Variants in NUP133 observed in about 807,000 individuals in gnomAD.
NUP133 encodes the protein nucleoporin 133, also known as nuclear pore complex protein Nup133.
A neutral mutation model predicts 146.2 loss-of-function variants in NUP133; 66 were observed. The observed-to-expected ratio is 0.45, with a 90% CI of 0.37 to 0.55. The LOEUF (loss-of-function observed/expected upper bound fraction) is 0.55. NUP133 is among the 20% of genes least tolerant of loss of function. The pLI is 0.00. For missense variants in NUP133, 1,277 were observed against 1,374.8 expected (o/e 0.93, Z 1.12); for synonymous variants, 521 against 498.8 (o/e 1.04, Z -0.59).
At chr1:229,462,306 A>C (rs1340918188) in intron 19 of NUP133, among the ~76,000 whole-genome samples, 1 of 152,240 alleles carries the variant, frequency 6.6e-6, no homozygotes, top group Non-Finnish European at 1.5e-5. Context: ...CAAGTGAAAA[A>C]AGCAGTTGAC....
chr1:229,444,677 C>T (rs1660263012), intron 25 of NUP133, among the ~76,000 whole-genome samples: 1 of 151,638 alleles, frequency 6.6e-6, no homozygotes, highest in East Asian at 1.9e-4. Context: ...TGAAACCCTG[C>T]TTTTACTAAA....
At chr1:229,457,767 T>G (rs1371807262) in intron 21 of NUP133, among the ~76,000 whole-genome samples, 1 of 152,190 alleles carries the variant, frequency 6.6e-6, no homozygotes, top group Non-Finnish European at 1.5e-5. Flanking sequence ...CTATATGTAA[T>G]CGTTTTCATC....
chr1:229,490,147 C>A lies in NUP133; in HGVS notation c.1047-45G>T, dbSNP rs201034507. On this transcript the variant is annotated intron_variant, in intron 8 of 25. Transcript: ENST00000261396. ...GATGTAAAGCCTCTCTAAAAAACAACTTAGGAGTTTCCTATAAAATTAAAC... is the reference window on the plus strand; with the variant it reads ...GATGTAAAGCCTCTCTAAAAAACAAATTAGGAGTTTCCTATAAAATTAAAC... The A allele has an allele frequency of 2.5e-4, 363 of 1,441,436 alleles. 1 individual carries two copies. Among genetic ancestry groups the A allele is most frequent in the Non-Finnish European group, 9.8e-5 (106 of 1,085,304 alleles). 89.3% of individuals were successfully genotyped at this position (1,441,436 alleles called of 1,614,324 possible).
At chr1:229,445,098 G>C (rs1660276011) in intron 24 of NUP133, 96 bp from the exon 25 acceptor site, 2 of 867,392 alleles carry the variant, frequency 2.3e-6, no homozygotes, top group South Asian at 1.6e-5. Flanking sequence ...TGATGGCTGT[G>C]GGGGATGGAG....
intron 19 of NUP133, among the ~76,000 whole-genome samples, chr1:229,461,719 A>G (rs1660693897): frequency 6.6e-6 from 1 of 152,252 alleles, no homozygotes. Context: ...AGTAAGCACA[A>G]AAGGACTTTA....
chr1:229,483,978 A>G, intron 12 of NUP133, 76 bp downstream of exon 12: 1 of 1,001,024 alleles, frequency 1.0e-6, no homozygotes, highest in Non-Finnish European at 1.5e-6. Context: ...TGCTCCCACC[A>G]GTCAATAAGT....
At position 229,484,092 on chromosome 1, in the gene NUP133, T is replaced by C; in HGVS notation, c.1554A>G (p.Lys518=). 2 of 1,613,578 alleles carry C rather than the reference T, an allele frequency of 1.2e-6. No homozygotes were observed. Among genetic ancestry groups the C allele is most frequent in the Non-Finnish European group, 8.5e-7 (1 of 1,179,686 alleles). The change falls in exon 12 of 26, where the codon AAA becomes AAG. Residue 518 remains lysine (K), a synonymous_variant. Coordinates refer to ENST00000261396, the MANE Select transcript of NUP133 (RefSeq NM_018230.3). The stretch of plus-strand genomic sequence containing the variant: ...GAAAGGCAGCTTTCAGCAACTTGAT[T>C]TTATCTTCCTGGGCTATAGTTTCAT... ...TKNETIAQED[K]IKLLKAAFLQ...
At chr1:229,451,693 GA>G (rs1434181729) in intron 22 of NUP133, among the ~76,000 whole-genome samples, 1 of 151,946 alleles carries the variant, frequency 6.6e-6, no homozygotes, top group Admixed American at 6.6e-5. Flanking sequence ...GACCATTTCA[GA>G]AAAAAAGCTA....
chr1:229,504,677 C>T (rs1661888899), intron 2 of NUP133, among the ~76,000 whole-genome samples: 1 of 152,248 alleles, frequency 6.6e-6, no homozygotes, highest in South Asian at 2.1e-4. Flanking sequence ...TGGGGTTTCA[C>T]GGGAAACTTC....
chr1:229,498,126 A>G lies in NUP133; in HGVS notation c.819+10T>C. The G allele has an allele frequency of 6.5e-7, 1 of 1,546,480 alleles. No individual in the cohort carries two copies. Among genetic ancestry groups the G allele is most frequent in the Non-Finnish European group, 8.7e-7 (1 of 1,147,092 alleles). On this transcript the variant is annotated intron_variant, in intron 6 of 25. Transcript: ENST00000261396. ...AATAAGCTTGTAAAATAGTTATTTT[A>G]TAAACTTACTGTGAGATCACTACTA... is the stretch of plus-strand genomic sequence containing the variant.
chr1:229,458,334 T>C, intron 20 of NUP133, 38 bp from the exon 21 acceptor site: 1 of 1,587,586 alleles, frequency 6.3e-7, no homozygotes, highest in Non-Finnish European at 8.6e-7. Flanking sequence ...AGATACTGAG[T>C]ACCAATTCAA....
intron 24 of NUP133, among the ~76,000 whole-genome samples, chr1:229,447,299 A>ATTTTTATTT (rs1660322782): frequency 6.6e-6 from 1 of 152,204 alleles, no homozygotes; most frequent in Non-Finnish European, 1.5e-5. Flanking sequence ...TAATGTAACC[A>ATTTTTATTT]TTAAAATTTT....
chr1:229,473,357 G>A (rs1219767685), intron 14 of NUP133, among the ~76,000 whole-genome samples: 1 of 152,084 alleles, frequency 6.6e-6, no homozygotes, highest in African/African-American at 2.4e-5. Flanking sequence ...AATATTAAAG[G>A]AAATAGAAAC....
intron 8 of NUP133, among the ~76,000 whole-genome samples, chr1:229,492,067 T>C (rs1039617085): frequency 1.3e-5 from 2 of 152,262 alleles, no homozygotes; most frequent in Middle Eastern, 3.4e-3. Context: ...ATGGTTCCTA[T>C]TTTAGCTCTT....
At chr1:229,446,564 C>T (rs1373504424) in intron 24 of NUP133, among the ~76,000 whole-genome samples, 1 of 151,740 alleles carries the variant, frequency 6.6e-6, no homozygotes, top group Non-Finnish European at 1.5e-5. Context: ...CCCATCTCTA[C>T]TAAAAATACA....
Position 229,448,889 on chromosome 1 carries a change from A to C in NUP133, c.3245+237T>G. The C allele has an allele frequency of 5.9e-6, 3 of 506,676 alleles. No individual in the cohort carries two copies. In the African/African-American group the frequency reaches 6.0e-5, roughly 10 times the overall value. 31.4% of individuals were successfully genotyped at this position (506,676 alleles called of 1,614,324 possible). A position where few individuals can be genotyped will look rare whatever the true frequency, so the allele number is the denominator to read the frequency against. ...ACCCCCTGGTGCTTAAATTGGCATC[A>C]AAGTCAGGGGCAGTCTGAGCCCTCA... On this transcript the variant is annotated intron_variant, in intron 24 of 25. Coordinates refer to ENST00000261396, the MANE Select transcript of NUP133 (RefSeq NM_018230.3).
At position 229,441,385 on chromosome 1, in the gene NUP133, G is replaced by C. The variant is rs762608954; in HGVS notation, c.*519C>G. On this transcript the variant is annotated 3_prime_UTR_variant, in exon 26 of 26. Transcript: ENST00000261396. ...TCAGTTATCAAGCTCACATGAGTTAGGCCCACTCTCCTTTGGTTTTTCATC... is the reference window on the plus strand; with the variant it reads ...TCAGTTATCAAGCTCACATGAGTTACGCCCACTCTCCTTTGGTTTTTCATC... The C allele has an allele frequency of 3.8e-6, 2 of 531,248 alleles. No homozygotes were observed. Among genetic ancestry groups the C allele is most frequent in the East Asian group, 1.1e-4 (2 of 18,346 alleles). The allele number at this position is 531,248 out of a possible 1,614,324, so 32.9% of individuals were successfully genotyped here. A position where few individuals can be genotyped will look rare whatever the true frequency, so the allele number is the denominator to read the frequency against.
At chr1:229,458,510 C>T (rs1375327125) in intron 20 of NUP133, among the ~76,000 whole-genome samples, 1 of 152,108 alleles carries the variant, frequency 6.6e-6, no homozygotes, top group African/African-American at 2.4e-5. Context: ...GGAAAAGAGA[C>T]ATGCACAAAA....
intron 12 of NUP133, among the ~76,000 whole-genome samples, chr1:229,480,084 A>G (rs1256112338): frequency 2.6e-5 from 4 of 152,240 alleles, no homozygotes; most frequent in African/African-American, 9.6e-5. Flanking sequence ...AGTCTCTGAT[A>G]GGAAGAAGAG....
Sources: gnomAD v4.1 joint callset for allele counts (sites outside exome capture counted in the v4.1 genomes callset) on GRCh38, gnomAD v4.1.1 for gene constraint, MANE v1.5 for transcripts, NCBI Gene and HGNC (gene_info 2026-07-23, HGNC 2026-07-21) for gene names.